B4GALT6: variants seen among roughly 807,000 people sequenced by gnomAD.
B4GALT6 encodes the protein beta-1,4-galactosyltransferase 6.
Under a neutral mutation model 46.3 loss-of-function variants are expected in B4GALT6, and 14 were observed. That is an observed-to-expected ratio of 0.30 (90% CI 0.20 to 0.47). B4GALT6 has a LOEUF of 0.47. Among genes scored for constraint, B4GALT6 ranks in the 20% least tolerant of loss-of-function variants. The probability of loss-of-function intolerance (pLI) is 0.99; values close to 1 mark genes in which losing one functional copy is unlikely to be tolerated. For missense variants in B4GALT6, 386 were observed against 480.1 expected, an observed-to-expected ratio of 0.80 and a Z score of 1.83; for synonymous variants, 168 against 162.0, an observed-to-expected ratio of 1.04 and a Z score of -0.28.
At chr18:31,714,442 G>A in the B4GALT6 span, among the ~76,000 whole-genome samples, 1 of 152,142 alleles carries the variant, frequency 6.6e-6, no homozygotes, top group South Asian at 2.1e-4. Flanking sequence ...CTACTCCCCT[G>A]GGGCCTGACA....
the B4GALT6 span, among the ~76,000 whole-genome samples, chr18:31,705,073 C>T: frequency 6.6e-6 from 1 of 152,096 alleles, no homozygotes; most frequent in African/African-American, 2.4e-5. Context: ...TGAAACTAGA[C>T]AGATACAGTT....
upstream of B4GALT6, chr18:31,686,176 C>A (rs71361336): frequency 0.095 from 14,435 of 152,270 alleles, 901 homozygotes; most frequent in Middle Eastern, 0.16. Context: ...ACTAATCATG[C>A]AGGAAGTGGC....
chr18:31,686,736 C>A (rs1416006056), upstream of B4GALT6: 1 of 152,190 alleles, frequency 6.6e-6, no homozygotes, highest in Non-Finnish European at 1.5e-5. Context: ...AAAACAAAAT[C>A]TATGCAAGCC....
rs1567952091 is a variant in B4GALT6 at position 31,622,280 on chromosome 18, T to TA, written c.*3333dup. On this transcript the variant is annotated 3_prime_UTR_variant, in exon 9 of 9. Transcript: ENST00000306851. The stretch of plus-strand genomic sequence containing the variant: ...CATTATATTTCATAAAAGACAATGA[T>TA]AAAAAAGTACAAACATTTCCATGAG... The TA allele has an allele frequency of 6.6e-6, 1 of 151,982 alleles. No individual in the cohort carries two copies. Among genetic ancestry groups the TA allele is most frequent in the Non-Finnish European group, 1.5e-5 (1 of 67,890 alleles). The allele number at this position is 151,982 out of a possible 1,614,324, so 9.4% of individuals were successfully genotyped here.
rs558331811 is a variant in B4GALT6 at position 31,662,637 on chromosome 18, C to A, written c.232+3619G>T. Among the ~76,000 whole-genome samples, 19 of 152,214 alleles carry A rather than the reference C, an allele frequency of 1.2e-4. No individual in the cohort carries two copies. The East Asian group carries it at 3.5e-3, about 28-fold the overall frequency. On this transcript the variant is annotated intron_variant, in intron 2 of 8. Transcript: ENST00000306851. ...AGGGTGGACCACAAGGTCAGGAGAT[C>A]AAGACCATCCTGGCTAACACGGTGA...
At chr18:31,633,864 A>T (rs1229480721) in intron 5 of B4GALT6, among the ~76,000 whole-genome samples, 3 of 152,128 alleles carry the variant, frequency 2.0e-5, no homozygotes, top group Non-Finnish European at 2.9e-5. Context: ...TGCCATGGAG[A>T]CACTGCAGAA....
intron 1 of B4GALT6, among the ~76,000 whole-genome samples, chr18:31,669,863 A>G (rs1432297983): frequency 1.3e-5 from 2 of 152,304 alleles, no homozygotes; most frequent in African/African-American, 4.8e-5. Flanking sequence ...TTTGTGCTAC[A>G]CCAAACTGTG....
rs375568606 is a variant in B4GALT6 at position 31,625,599 on chromosome 18, C to T, written c.*15G>A. ...TCCAGCATTGTGGTCTACCTTGCCA[C>T]GACAGCCACTTCTTTTAATAGTCTT... On this transcript the variant is annotated 3_prime_UTR_variant, in exon 9 of 9. Coordinates refer to ENST00000306851, the MANE Select transcript of B4GALT6 (RefSeq NM_004775.5). The T allele has an allele frequency of 1.1e-5, 17 of 1,613,254 alleles. No individual in the cohort carries two copies. In the African/African-American group the frequency reaches 1.1e-4, roughly 10 times the overall value.
At chr18:31,690,044 G>T (rs1317137794), upstream of B4GALT6, among the ~76,000 whole-genome samples, 1 of 152,100 alleles carries the variant, frequency 6.6e-6, no homozygotes, top group African/African-American at 2.4e-5. Flanking sequence ...AAGGATAAAA[G>T]AACTATTACT....
the B4GALT6 span, among the ~76,000 whole-genome samples, chr18:31,718,460 G>A: frequency 1.3e-5 from 2 of 152,152 alleles, no homozygotes; most frequent in Non-Finnish European, 2.9e-5. Context: ...TTCAGAAGTT[G>A]CCTGTCATTC....
intron 2 of B4GALT6, among the ~76,000 whole-genome samples, chr18:31,659,417 G>A (rs1389132558): frequency 6.6e-6 from 1 of 152,188 alleles, no homozygotes; most frequent in African/African-American, 2.4e-5. Context: ...CTTCAGGGCA[G>A]AGACTCACGC....
chr18:31,661,916 C>A (rs996586943), intron 2 of B4GALT6, among the ~76,000 whole-genome samples: 1 of 152,180 alleles, frequency 6.6e-6, no homozygotes, highest in Non-Finnish European at 1.5e-5. Flanking sequence ...CCTTACTCTG[C>A]ATAATTTATT....
Position 31,656,224 on chromosome 18 carries a change from G to A in B4GALT6, c.346+1752C>T, listed in dbSNP as rs1221870400. Among the ~76,000 whole-genome samples the A allele has an allele frequency of 2.0e-5, 3 of 152,020 alleles. No individual in the cohort carries two copies. In the East Asian group the frequency reaches 5.8e-4, roughly 29 times the overall value. The stretch of plus-strand genomic sequence containing the variant: ...AAGCTAAAACAAGTCCTACAAATAT[G>A]ATAGGCAAAGGCTAATTTCCTCAAT... On this transcript the variant is annotated intron_variant, in intron 3 of 8. Transcript: ENST00000306851.
At chr18:31,717,489 T>C in the B4GALT6 span, among the ~76,000 whole-genome samples, 1 of 152,070 alleles carries the variant, frequency 6.6e-6, no homozygotes, top group African/African-American at 2.4e-5. Context: ...ATAAAACATA[T>C]ACCTCAATAA....
At chr18:31,699,287 T>C in the B4GALT6 span, among the ~76,000 whole-genome samples, 1 of 151,322 alleles carries the variant, frequency 6.6e-6, no homozygotes, top group African/African-American at 2.4e-5. Context: ...TTTTTTTTTT[T>C]TTTGAGACAG....
At chr18:31,701,338 A>G in the B4GALT6 span, among the ~76,000 whole-genome samples, 4 of 152,116 alleles carry the variant, frequency 2.6e-5, no homozygotes, top group African/African-American at 9.7e-5. Context: ...CTTCTCCTGC[A>G]CCTTCCATCA....
intron 1 of B4GALT6, among the ~76,000 whole-genome samples, chr18:31,678,929 C>T (rs2074448341): frequency 6.6e-6 from 1 of 152,238 alleles, no homozygotes; most frequent in African/African-American, 2.4e-5. Context: ...TGCAGGACAA[C>T]CTGTGAGAAA....
intron 1 of B4GALT6, among the ~76,000 whole-genome samples, chr18:31,668,598 T>C (rs929945474): frequency 6.6e-6 from 1 of 152,194 alleles, no homozygotes; most frequent in African/African-American, 2.4e-5. Flanking sequence ...TTTCATAAAA[T>C]AGACTGTACA....
At chr18:31,673,275 A>G (rs2074377650) in intron 1 of B4GALT6, among the ~76,000 whole-genome samples, 1 of 152,130 alleles carries the variant, frequency 6.6e-6, no homozygotes, top group Admixed American at 6.6e-5. Context: ...GAGTTTAAAA[A>G]AAAACAAAGG....
Sources: gnomAD v4.1 joint callset for allele counts (sites outside exome capture counted in the v4.1 genomes callset) on GRCh38, gnomAD v4.1.1 for gene constraint, MANE v1.5 for transcripts, NCBI Gene and HGNC (gene_info 2026-07-23, HGNC 2026-07-21) for gene names.